DSCAML1: variants seen among roughly 807,000 people sequenced by gnomAD.
The protein encoded by DSCAML1 is cell adhesion molecule DSCAML1.
In DSCAML1, 38 loss-of-function variants were observed where a neutral mutation model predicts 200.5. The ratio of observed to expected loss-of-function variants is 0.19; its 90% CI spans 0.15 to 0.25. The LOEUF (loss-of-function observed/expected upper bound fraction) is 0.25, where lower values mean the gene tolerates loss of function less well. Among genes scored for constraint, DSCAML1 ranks in the 10% least tolerant of loss-of-function variants. The pLI is 1.00. For missense variants in DSCAML1, 2,223 were observed against 2,858.8 expected (o/e 0.78, Z 5.07); for synonymous variants, 1,215 against 1,165.0 (o/e 1.04, Z -0.87).
intron 1 of DSCAML1, among the ~76,000 whole-genome samples, chr11:117,813,387 C>T (rs375389307): frequency 2.0e-5 from 3 of 152,242 alleles, no homozygotes; most frequent in Non-Finnish European, 2.9e-5. Flanking sequence ...ACTACTCATA[C>T]ATGCCCTGCT....
intron 3 of DSCAML1, among the ~76,000 whole-genome samples, chr11:117,602,927 C>T (rs904081788): frequency 6.6e-6 from 1 of 151,654 alleles, no homozygotes; most frequent in African/African-American, 2.4e-5. Flanking sequence ...GGCGAAACCC[C>T]GTCTCTACAA....
intron 3 of DSCAML1, among the ~76,000 whole-genome samples, chr11:117,659,970 C>T (rs950824037): frequency 1.3e-5 from 2 of 152,172 alleles, no homozygotes; most frequent in East Asian, 1.9e-4. Context: ...GTGATTGGCC[C>T]GCCTTAGCCT....
At chr11:117,785,279 G>A (rs779504689) in intron 1 of DSCAML1, among the ~76,000 whole-genome samples, 2 of 152,154 alleles carry the variant, frequency 1.3e-5, no homozygotes, top group Non-Finnish European at 2.9e-5. Flanking sequence ...CACTGATTTA[G>A]CCAGGAGCCA....
chr11:117,594,921 T>G (rs549727899), intron 3 of DSCAML1, among the ~76,000 whole-genome samples: 1 of 152,186 alleles, frequency 6.6e-6, no homozygotes, highest in South Asian at 2.1e-4. Flanking sequence ...TTTTCATTCC[T>G]CATTGTTACC....
chr11:117,789,186 C>T (rs888681724), intron 1 of DSCAML1, among the ~76,000 whole-genome samples: 11 of 152,286 alleles, frequency 7.2e-5, no homozygotes, highest in Admixed American at 1.3e-4. Flanking sequence ...CAGAAACCTG[C>T]GAGGTCCAGT....
At chr11:117,605,662 G>A (rs149137633) in intron 3 of DSCAML1, among the ~76,000 whole-genome samples, 5 of 152,326 alleles carry the variant, frequency 3.3e-5, no homozygotes, top group East Asian at 1.9e-4. Flanking sequence ...CAGTGACAAG[G>A]AGGTTCAGGG....
intron 18 of DSCAML1, among the ~76,000 whole-genome samples, chr11:117,460,396 C>T (rs975476497): frequency 1.1e-4 from 16 of 152,020 alleles, no homozygotes; most frequent in South Asian, 4.2e-4. Flanking sequence ...ACCGTAGTAG[C>T]GCTGGACAAA....
intron 3 of DSCAML1, among the ~76,000 whole-genome samples, chr11:117,654,934 A>G (rs1428252817): frequency 1.3e-5 from 2 of 152,216 alleles, no homozygotes; most frequent in Non-Finnish European, 2.9e-5. Flanking sequence ...GATGTAAAAT[A>G]TAGAATCAGA....
chr11:117,690,022 C>T (rs2053469336), intron 3 of DSCAML1, among the ~76,000 whole-genome samples: 1 of 152,142 alleles, frequency 6.6e-6, no homozygotes, highest in African/African-American at 2.4e-5. Context: ...TCTCATCAAG[C>T]CGCCAGCATG....
chr11:117,647,545 T>C (rs2052542267), intron 3 of DSCAML1, among the ~76,000 whole-genome samples: 1 of 151,936 alleles, frequency 6.6e-6, no homozygotes. Flanking sequence ...AGCAAACTGG[T>C]GCCACTCCAG....
chr11:117,522,168 G>A (rs1246578528), intron 5 of DSCAML1, among the ~76,000 whole-genome samples: 1 of 152,222 alleles, frequency 6.6e-6, no homozygotes, highest in African/African-American at 2.4e-5. Context: ...AGCATTCTGT[G>A]CCTAATTCTT....
chr11:117,460,573 T>A (rs987023893), intron 18 of DSCAML1, among the ~76,000 whole-genome samples: 4 of 152,154 alleles, frequency 2.6e-5, no homozygotes, highest in Non-Finnish European at 5.9e-5. Context: ...ATGGGATGCC[T>A]GTCCTCTGAC....
rs1237504062 is a variant in DSCAML1, at chr11:117,759,933, C to T, written c.511+16858G>A. ...CAACAGTTGAGAGCACCAAGCCCTG[C>T]TCAAGGTGGCCCTGGAAGAGGGGGC... On this transcript the variant is annotated intron_variant, in intron 3 of 32. Coordinates refer to ENST00000651296, the MANE Select transcript of DSCAML1 (RefSeq NM_020693.4). 2.0e-5 allele frequency among the ~76,000 whole-genome samples: 3 copies of T among 152,134 alleles called. No individual in the cohort carries two copies. The East Asian group carries it at 5.8e-4, about 29-fold the overall frequency.
At chr11:117,769,498 A>ATTT (rs2054993142) in intron 3 of DSCAML1, among the ~76,000 whole-genome samples, 1 of 87,546 alleles carries the variant, frequency 1.1e-5, no homozygotes, top group African/African-American at 6.4e-5. Flanking sequence ...TTTTATATAT[A>ATTT]TAATATATAT....
chr11:117,780,822 G>A lies in DSCAML1; in HGVS notation c.47-12C>T. On this transcript the variant is annotated splice_polypyrimidine_tract_variant and intron_variant, in intron 1 of 32. Transcript: ENST00000651296. The surrounding 1 kb of genome is among the most constrained non-coding windows in gnomAD (Gnocchi z 4.8). Reference sequence around the variant, plus strand: ...ATCTTCAGGGCGGGCTGCAGGAGAGGCAAGGGGAGAGACTTGGTTAGCATG... The same window carrying A: ...ATCTTCAGGGCGGGCTGCAGGAGAGACAAGGGGAGAGACTTGGTTAGCATG... 9.2e-6 allele frequency: 13 copies of A among 1,419,946 alleles called. No homozygotes were observed. Among genetic ancestry groups the A allele is most frequent in the South Asian group, 1.5e-5 (1 of 64,996 alleles). The allele number at this position is 1,419,946 out of a possible 1,614,324, so 88.0% of individuals were successfully genotyped here.
intron 11 of DSCAML1, among the ~76,000 whole-genome samples, chr11:117,502,079 G>C (rs1487358188): frequency 6.6e-6 from 1 of 152,184 alleles, no homozygotes; most frequent in Non-Finnish European, 1.5e-5. Flanking sequence ...ACCCCTCAGA[G>C]CACTTTGCAG....
At chr11:117,594,119 A>G (rs2051317086) in intron 3 of DSCAML1, among the ~76,000 whole-genome samples, 1 of 152,212 alleles carries the variant, frequency 6.6e-6, no homozygotes, top group African/African-American at 2.4e-5. Context: ...GACAAAGGAC[A>G]GAAAAAGGAA....
rs1326503360 is a variant in DSCAML1 at position 117,567,520 on chromosome 11, T to G, written c.512-34998A>C. Reference sequence around the variant, plus strand: ...GTAGGTTGTGAAAATTTTCTCCCATTTTGTAGGTTGCCTGTTCACTCTGAT... The same window carrying G: ...GTAGGTTGTGAAAATTTTCTCCCATGTTGTAGGTTGCCTGTTCACTCTGAT... On this transcript the variant is annotated intron_variant, in intron 3 of 32. Coordinates refer to ENST00000651296, the MANE Select transcript of DSCAML1 (RefSeq NM_020693.4). Among the ~76,000 whole-genome samples the G allele has an allele frequency of 4.6e-5, 7 of 152,276 alleles. No individual in the cohort carries two copies. In the East Asian group the frequency reaches 1.2e-3, roughly 25 times the overall value.
chr11:117,576,280 A>T (rs1194216788), intron 3 of DSCAML1, among the ~76,000 whole-genome samples: 3 of 152,020 alleles, frequency 2.0e-5, no homozygotes, highest in Non-Finnish European at 4.4e-5. Flanking sequence ...TGGATGGATG[A>T]GGGGGTTTTT....
Sources: gnomAD v4.1 joint callset for allele counts (sites outside exome capture counted in the v4.1 genomes callset) on GRCh38, gnomAD v4.1.1 for gene constraint, Gnocchi (gnomAD v3.1) non-coding constraint, MANE v1.5 for transcripts, NCBI Gene and HGNC (gene_info 2026-07-23, HGNC 2026-07-21) for gene names.